The following CDCP1 variants were observed in gnomAD, a reference collection of about 807,000 sequenced individuals.
The protein encoded by CDCP1 is CUB domain containing protein 1, also known as CUB domain-containing protein 1.
A neutral mutation model predicts 60.2 loss-of-function variants in CDCP1; 29 were observed. That is an observed-to-expected ratio of 0.48 (90% CI 0.36 to 0.66). The LOEUF (loss-of-function observed/expected upper bound fraction) is 0.66, where lower values mean the gene tolerates loss of function less well. Among genes scored for constraint, CDCP1 ranks in the 30% least tolerant of loss-of-function variants. The pLI is 0.00. For synonymous variants in CDCP1, 387 were observed against 431.1 expected, an observed-to-expected ratio of 0.90 and a Z score of 1.27; for missense variants, 876 against 1,074.3, an observed-to-expected ratio of 0.82 and a Z score of 2.58.
chr3:45,137,232 T>C (rs1699204260), intron 1 of CDCP1, among the ~76,000 whole-genome samples: 1 of 152,200 alleles, frequency 6.6e-6, no homozygotes, highest in African/African-American at 2.4e-5. Context: ...GCCAAAAGGT[T>C]GCATGCCATA....
intron 1 of CDCP1, among the ~76,000 whole-genome samples, chr3:45,132,877 T>C (rs967856843): frequency 2.6e-5 from 4 of 152,190 alleles, no homozygotes; most frequent in African/African-American, 9.6e-5. Flanking sequence ...ACTCACATCC[T>C]TGTAGAATCT....
At chr3:45,105,557 G>A (rs1698548871) in intron 4 of CDCP1, among the ~76,000 whole-genome samples, 1 of 152,158 alleles carries the variant, frequency 6.6e-6, no homozygotes, top group Non-Finnish European at 1.5e-5. Context: ...GGGTTTTGAA[G>A]ATAATAGTTT....
At chr3:45,118,131 G>T (rs548359029) in intron 2 of CDCP1, among the ~76,000 whole-genome samples, 24 of 152,264 alleles carry the variant, frequency 1.6e-4, no homozygotes, top group African/African-American at 4.6e-4. Context: ...ACAGTACCTG[G>T]GTTCTTCTCC....
intron 1 of CDCP1, among the ~76,000 whole-genome samples, chr3:45,140,024 T>C (rs1377552088): frequency 6.6e-6 from 1 of 152,224 alleles, no homozygotes; most frequent in Non-Finnish European, 1.5e-5. Flanking sequence ...GGCCAGATGT[T>C]CCCGCCTCCA....
At chr3:45,132,605 C>T (rs971524870) in intron 1 of CDCP1, among the ~76,000 whole-genome samples, 1 of 152,152 alleles carries the variant, frequency 6.6e-6, no homozygotes, top group African/African-American at 2.4e-5. Flanking sequence ...TGTGCCTCAT[C>T]ACTTCAGTCA....
At position 45,083,281 on chromosome 3, in the gene CDCP1, A is replaced by C. The variant is rs570299494; in HGVS notation, c.*2357T>G. The C allele has an allele frequency of 1.3e-5, 2 of 152,328 alleles. No individual in the cohort carries two copies. Among genetic ancestry groups the C allele is most frequent in the South Asian group, 2.1e-4 (1 of 4,828 alleles). 9.4% of individuals were successfully genotyped at this position (152,328 alleles called of 1,614,324 possible). A position where few individuals can be genotyped will look rare whatever the true frequency, so the allele number is the denominator to read the frequency against. On this transcript the variant is annotated 3_prime_UTR_variant, in exon 9 of 9. Coordinates refer to ENST00000296129, the MANE Select transcript of CDCP1 (RefSeq NM_022842.5). ...CCAAGGGTCACTGGGCAGGAACCAG[A>C]CTTTCAGAAGGGAAAGGTGCCATAG...
chr3:45,129,761 A>C (rs1559399952), intron 1 of CDCP1, among the ~76,000 whole-genome samples: 2 of 152,318 alleles, frequency 1.3e-5, no homozygotes, highest in Non-Finnish European at 2.9e-5. Context: ...CCTCCAGAGT[A>C]CCTCATTCCA....
chr3:45,095,255 T>C, intron 5 of CDCP1, 92 bp downstream of exon 5: 1 of 1,200,548 alleles, frequency 8.3e-7, no homozygotes, highest in Non-Finnish European at 1.2e-6. Flanking sequence ...TTTGATATGA[T>C]TTACAACCTA....
rs1401302861 is a variant in CDCP1, at chr3:45,108,953, A to ATATATATATATTTTTT, written c.1024+1519_1024+1520insAAAAAATATATATATA. On this transcript the variant is annotated intron_variant, in intron 4 of 8. Coordinates refer to ENST00000296129, the MANE Select transcript of CDCP1 (RefSeq NM_022842.5). ...CATGTATACATATATATATATATAT[A>ATATATATATATTTTTT]TTTTTTTTTTTTTTGAGATGGAGTC... Among the ~76,000 whole-genome samples the ATATATATATATTTTTT allele has an allele frequency of 1.2e-4, 5 of 41,134 alleles. 1 individual carries two copies. Among genetic ancestry groups the ATATATATATATTTTTT allele is most frequent in the African/African-American group, 4.8e-4 (5 of 10,374 alleles). The allele number at this position is 41,134 out of a possible 152,430, so 27.0% of individuals were successfully genotyped here.
Position 45,085,801 on chromosome 3 carries a change from G to T in CDCP1, c.2348C>A (p.Ala783Asp). Residue 783 changes from alanine (A) to aspartate (D), a missense_variant, in exon 9 of 9, where the codon GCC becomes GAC. Ala to Asp is a moderately radical substitution (Grantham distance 126). This residue lies in a region of CDCP1 where 726 missense variants were observed against 935.7 expected (regional missense o/e 0.78). Coordinates refer to ENST00000296129, the MANE Select transcript of CDCP1 (RefSeq NM_022842.5). The surrounding 1 kb of genome is among the most constrained non-coding windows in gnomAD (Gnocchi z 4.2). ...PPSPPTICSR[A>D]PTAKLATEEP... ...CTCAGTGGCCAACTTTGCAGTTGGG[G>T]CCCTGGAGCATATGGTGGGTGGGGA... The T allele has an allele frequency of 1.9e-6, 3 of 1,614,148 alleles. No individual in the cohort carries two copies. The highest frequency in any genetic ancestry group is 2.5e-6 in the Non-Finnish European group (3 of 1,180,034).
At chr3:45,142,978 A>G (rs1002276769) in intron 1 of CDCP1, among the ~76,000 whole-genome samples, 1 of 152,194 alleles carries the variant, frequency 6.6e-6, no homozygotes, top group African/African-American at 2.4e-5. Flanking sequence ...CGAGGCGGGC[A>G]GATCACCTGA....
rs1698283635 is a variant in CDCP1, at chr3:45,091,061, T to C, written c.1993+112A>G. ...ATTGATGCAATAGCTGACTGATACA[T>C]GGACAGTCAGGACTCAATCTGTGAT... On this transcript the variant is annotated intron_variant, in intron 7 of 8. Coordinates refer to ENST00000296129, the MANE Select transcript of CDCP1 (RefSeq NM_022842.5). The surrounding 1 kb of genome is among the most constrained non-coding windows in gnomAD (Gnocchi z 4.8). 8.4e-7 allele frequency: 1 copy of C among 1,185,532 alleles called. No homozygotes were observed. Among genetic ancestry groups the C allele is most frequent in the Admixed American group, 2.2e-5 (1 of 45,626 alleles). The allele number at this position is 1,185,532 out of a possible 1,614,324, so 73.4% of individuals were successfully genotyped here. A position where few individuals can be genotyped will look rare whatever the true frequency, so the allele number is the denominator to read the frequency against.
intron 1 of CDCP1, among the ~76,000 whole-genome samples, chr3:45,145,388 T>G (rs908516010): frequency 2.0e-5 from 3 of 152,226 alleles, no homozygotes; most frequent in African/African-American, 7.2e-5. Flanking sequence ...TACTACGTTC[T>G]AATACATCCA....
chr3:45,140,476 T>G (rs1699270381), intron 1 of CDCP1, among the ~76,000 whole-genome samples: 1 of 152,228 alleles, frequency 6.6e-6, no homozygotes, highest in Admixed American at 6.5e-5. Context: ...GATTTATTAT[T>G]TAAGCATATT....
intron 1 of CDCP1, among the ~76,000 whole-genome samples, chr3:45,135,264 G>A (rs762507367): frequency 1.1e-4 from 16 of 151,426 alleles, no homozygotes; most frequent in Non-Finnish European, 2.1e-4. Context: ...GTTTTGAGAA[G>A]CTTGGCTCCA....
At chr3:45,093,712 C>G in intron 5 of CDCP1, 55 bp from the exon 6 acceptor site, 1 of 1,544,618 alleles carries the variant, frequency 6.5e-7, no homozygotes, top group Non-Finnish European at 8.8e-7. Flanking sequence ...AGTGCACCCT[C>G]CCCAGCTCTC....
At position 45,086,026 on chromosome 3, in the gene CDCP1, T is replaced by C; in HGVS notation, c.2123A>G (p.Asn708Ser). 6.2e-7 allele frequency: 1 copy of C among 1,614,192 alleles called. No individual in the cohort carries two copies. Among genetic ancestry groups the C allele is most frequent in the Non-Finnish European group, 8.5e-7 (1 of 1,180,030 alleles). ...CGGCATCTCAGTATTGATGTTGTCATTGTAGATACCCACAGCGGGGCCCTT... is the reference window on the plus strand; with the variant it reads ...CGGCATCTCAGTATTGATGTTGTCACTGTAGATACCCACAGCGGGGCCCTT... The part of the protein sequence containing the change: ...TNKGPAVGIY[N>S]DNINTEMPRQ... The change falls in exon 9 of 9, where the codon AAT becomes AGT. Residue 708 changes from asparagine (N) to serine (S), a missense_variant. Physicochemically the swap from Asn to Ser is conservative, Grantham distance 46. Coordinates refer to ENST00000296129, the MANE Select transcript of CDCP1 (RefSeq NM_022842.5).
At chr3:45,126,152 T>TCTCTCTC (rs1407771928) in intron 1 of CDCP1, among the ~76,000 whole-genome samples, 1 of 143,852 alleles carries the variant, frequency 7.0e-6, no homozygotes, top group African/African-American at 2.7e-5. Context: ...CTTTCTTTCT[T>TCTCTCTC]TCTTTCTTTC....
At chr3:45,123,898 C>A (rs774946021) in intron 1 of CDCP1, among the ~76,000 whole-genome samples, 2 of 152,166 alleles carry the variant, frequency 1.3e-5, no homozygotes. Context: ...GAAAGGCATC[C>A]AAGCTTTCAC....
Sources: gnomAD v4.1 joint callset for allele counts (sites outside exome capture counted in the v4.1 genomes callset) on GRCh38, gnomAD v4.1.1 for gene constraint, gnomAD v4.1.1 regional missense constraint, Gnocchi (gnomAD v3.1) non-coding constraint, MANE v1.5 for transcripts, NCBI Gene and HGNC (gene_info 2026-07-23, HGNC 2026-07-21) for gene names.